ABCC9: variants seen among roughly 807,000 people sequenced by gnomAD.
The protein encoded by ABCC9 is ATP-binding cassette sub-family C member 9.
A neutral mutation model predicts 188.3 loss-of-function variants in ABCC9; 95 were observed. That is an observed-to-expected ratio of 0.50 (90% CI 0.43 to 0.60). The LOEUF is 0.60. ABCC9 is among the 20% of genes least tolerant of loss of function. The pLI is 0.00. For missense variants in ABCC9, 1,102 were observed against 1,876.3 expected (o/e 0.59, Z 7.62); for synonymous variants, 659 against 652.7 (o/e 1.01, Z -0.15).
intron 25 of ABCC9, 105 bp downstream of exon 25, chr12:21,848,045 C>A: frequency 1.1e-6 from 1 of 948,726 alleles, no homozygotes; most frequent in Non-Finnish European, 1.7e-6. Flanking sequence ...AATTTTTTCC[C>A]CTGGCAAAGT....
intron 24 of ABCC9, 37 bp from the exon 25 acceptor site, chr12:21,848,283 C>T: frequency 6.4e-7 from 1 of 1,558,296 alleles, no homozygotes; most frequent in Admixed American, 1.7e-5. Flanking sequence ...AAGGAGCTAA[C>T]ACCAATAGGT....
intron 16 of ABCC9, 43 bp from the exon 17 acceptor site, chr12:21,875,769 C>A: frequency 6.9e-7 from 1 of 1,440,696 alleles, no homozygotes; most frequent in Non-Finnish European, 9.8e-7. Flanking sequence ...TGTGTGGTAT[C>A]AATGAATAAT....
chr12:21,805,297 A>G lies in ABCC9; in HGVS notation c.4512+701T>C, dbSNP rs758307506. ...CTAAAACAAGGCCTGCATCCATAAT[A>G]GAAGAGACACGGTGCTGGAGAGAAA... On this transcript the variant is annotated intron_variant, in intron 39 of 39. Coordinates refer to ENST00000261200, the MANE Select transcript of ABCC9 (RefSeq NM_020297.4). 3 of 1,613,912 alleles carry G rather than the reference A, an allele frequency of 1.9e-6. No individual in the cohort carries two copies. The highest frequency in any genetic ancestry group is 1.3e-5 in the African/African-American group (1 of 74,924).
intron 12 of ABCC9, among the ~76,000 whole-genome samples, chr12:21,902,136 A>G (rs1161056052): frequency 2.6e-5 from 4 of 152,262 alleles, no homozygotes; most frequent in African/African-American, 9.6e-5. Flanking sequence ...AATCAGGATT[A>G]AGAAACTCAC....
rs765727834 is a variant in ABCC9, at chr12:21,864,504, T to C, written c.2199-27A>G. 14 of 1,527,210 alleles carry C rather than the reference T, an allele frequency of 9.2e-6. No individual in the cohort carries two copies. In the Admixed American group the frequency reaches 1.0e-4, roughly 11 times the overall value. The allele number at this position is 1,527,210 out of a possible 1,614,324, so 94.6% of individuals were successfully genotyped here. A position where few individuals can be genotyped will look rare whatever the true frequency, so the allele number is the denominator to read the frequency against. ...TGCAAGTATGGCAAACAATGTTCAT[T>C]AATTATGAAGTAGAAATATAGAACC... is the stretch of plus-strand genomic sequence containing the variant. On this transcript the variant is annotated intron_variant, in intron 18 of 39. Transcript: ENST00000261200.
chr12:21,919,409 TATATC>T, intron 5 of ABCC9, among the ~76,000 whole-genome samples: 1 of 151,894 alleles, frequency 6.6e-6, no homozygotes, highest in African/African-American at 2.4e-5. Context: ...ATTATGACAA[TATATC>T]CAAAAATTTA....
chr12:21,825,456 T>A (rs1010430993), intron 31 of ABCC9, among the ~76,000 whole-genome samples: 6 of 152,332 alleles, frequency 3.9e-5, no homozygotes, highest in Non-Finnish European at 5.9e-5. Context: ...TGGAATACTA[T>A]GCAACCATAA....
chr12:21,896,066 A>C (rs1001582471), intron 12 of ABCC9, among the ~76,000 whole-genome samples: 6 of 148,892 alleles, frequency 4.0e-5, no homozygotes, highest in Admixed American at 2.0e-4. Context: ...GTGAGAAGCT[A>C]GAATCTAATT....
chr12:21,886,521 A>G (rs1367800734), intron 15 of ABCC9, among the ~76,000 whole-genome samples: 1 of 152,148 alleles, frequency 6.6e-6, no homozygotes, highest in Non-Finnish European at 1.5e-5. Flanking sequence ...CTATATTATT[A>G]TAATGACTTC....
At chr12:21,916,908 TAACTA>T (rs751588160) in intron 6 of ABCC9, 24 bp downstream of exon 6, 1 of 1,575,158 alleles carries the variant, frequency 6.3e-7, no homozygotes, top group South Asian at 1.2e-5. Context: ...TGAATCCAAG[TAACTA>T]AACAAAAGCC....
rs926052924 is a variant in ABCC9 at position 21,940,831 on chromosome 12, A to C, written c.-136-6T>G. 1 of 152,236 alleles carries C rather than the reference A, an allele frequency of 6.6e-6. No homozygotes were observed. Among genetic ancestry groups the C allele is most frequent in the Non-Finnish European group, 1.5e-5 (1 of 68,040 alleles). The allele number at this position is 152,236 out of a possible 1,614,324, so 9.4% of individuals were successfully genotyped here. A position where few individuals can be genotyped will look rare whatever the true frequency, so the allele number is the denominator to read the frequency against. On this transcript the variant is annotated splice_polypyrimidine_tract_variant and splice_region_variant and intron_variant, in intron 1 of 39. Transcript: ENST00000261200. ...CAAACCCGGACGCAGAACTCCTAAA[A>C]AAAAGTAAAGAGTAACAAAAATTAA... is the stretch of plus-strand genomic sequence containing the variant.
At chr12:21,923,799 T>C (rs1379872650) in intron 5 of ABCC9, 1 of 699,600 alleles carries the variant, frequency 1.4e-6, no homozygotes, top group Non-Finnish European at 2.6e-6. Context: ...TAAATGCATA[T>C]AGCCACAAAA....
chr12:21,894,198 A>G, intron 13 of ABCC9, 24 bp from the exon 14 acceptor site: 2 of 1,613,872 alleles, frequency 1.2e-6, no homozygotes, highest in East Asian at 2.2e-5. Context: ...GGAGTTCTTT[A>G]GAGAAAGCTG....
intron 4 of ABCC9, among the ~76,000 whole-genome samples, chr12:21,928,928 G>A (rs1215761728): frequency 6.6e-6 from 1 of 152,058 alleles, no homozygotes; most frequent in African/African-American, 2.4e-5. Flanking sequence ...TGGCTTGGTA[G>A]GAGCGCTTAT....
chr12:21,882,813 A>G lies in ABCC9; in HGVS notation c.1972T>C (p.Ser658Pro), dbSNP rs769493004. Residue 658 changes from serine (S) to proline (P), a missense_variant, in exon 16 of 40, where the codon TCA becomes CCA. Ser to Pro is a moderately conservative substitution (Grantham distance 74). This residue lies in a region of ABCC9 where 258 missense variants were observed against 325.6 expected (regional missense o/e 0.79). Coordinates refer to ENST00000261200, the MANE Select transcript of ABCC9 (RefSeq NM_020297.4). The part of the protein sequence containing the change: ...GRYHLDSYEQ[S>P]TRRLRPAETE... ...TCTGCGGGACGTAGACGCCGTGTTG[A>G]TTGCTCATAGCTGTCCAGGTGATAT... 6.2e-7 allele frequency: 1 copy of G among 1,614,064 alleles called. No homozygotes were observed. Among genetic ancestry groups the G allele is most frequent in the South Asian group, 1.1e-5 (1 of 91,080 alleles).
rs576867217 is a variant in ABCC9, at chr12:21,818,216, A to G, written c.3705T>C (p.Ser1235=). Residue 1235 remains serine (S), a synonymous_variant, in exon 32 of 40, where the codon TCT becomes TCC. Coordinates refer to ENST00000261200, the MANE Select transcript of ABCC9 (RefSeq NM_020297.4). ...TCGAAGACCCACTAATGGATGCTAT[A>G]GATGCAGTGAGGACAATGCAAGCTC... ...YLGACIVLTA[S]IASISGSSNS... The G allele has an allele frequency of 6.2e-7, 1 of 1,614,004 alleles. No individual in the cohort carries two copies. The highest frequency in any genetic ancestry group is 8.5e-7 in the Non-Finnish European group (1 of 1,179,902).
intron 17 of ABCC9, among the ~76,000 whole-genome samples, chr12:21,873,120 A>G (rs939604923): frequency 1.3e-5 from 2 of 151,896 alleles, no homozygotes; most frequent in South Asian, 2.1e-4. Context: ...CTTTGCATTT[A>G]TAATAGAAAA....
At chr12:21,871,520 A>G (rs1946075336) in intron 18 of ABCC9, among the ~76,000 whole-genome samples, 1 of 152,200 alleles carries the variant, frequency 6.6e-6, no homozygotes, top group Non-Finnish European at 1.5e-5. Context: ...TTGGAGTTTA[A>G]AATAAAATCT....
At chr12:21,802,601 T>C (rs538256535) in intron 39 of ABCC9, among the ~76,000 whole-genome samples, 18 of 152,246 alleles carry the variant, frequency 1.2e-4, no homozygotes, top group Non-Finnish European at 2.2e-4. Context: ...TTTACACTTA[T>C]GGCACTTCTC....
Sources: allele counts gnomAD v4.1 joint callset (sites outside exome capture counted in the v4.1 genomes callset), GRCh38; gene constraint gnomAD v4.1.1; regional missense constraint gnomAD v4.1.1; transcripts MANE v1.5; gene names NCBI Gene and HGNC (gene_info 2026-07-23, HGNC 2026-07-21).